POP1: variants seen among roughly 807,000 people sequenced by gnomAD.
POP1 encodes ribonucleases P/MRP protein subunit POP1.
A neutral mutation model predicts 102.2 loss-of-function variants in POP1; 75 were observed. The observed-to-expected ratio is 0.73, with a 90% CI of 0.61 to 0.89. The LOEUF (loss-of-function observed/expected upper bound fraction) is 0.89, where lower values mean the gene tolerates loss of function less well. Among genes scored for constraint, POP1 ranks in the 40% least tolerant of loss-of-function variants. The pLI is 0.00. For synonymous variants in POP1, 436 were observed against 464.1 expected (o/e 0.94, Z 0.78); for missense variants, 1,116 against 1,267.4 (o/e 0.88, Z 1.81).
chr8:98,134,399 A>C (rs1816470476), intron 6 of POP1, 73 bp from the exon 7 acceptor site: 3 of 1,450,656 alleles, frequency 2.1e-6, no homozygotes, highest in Non-Finnish European at 1.9e-6. Context: ...AGTAAATGAC[A>C]GTGTGGTTAT....
intron 1 of POP1, among the ~76,000 whole-genome samples, chr8:98,119,460 A>T (rs1009723045): frequency 6.6e-6 from 1 of 152,206 alleles, no homozygotes; most frequent in African/African-American, 2.4e-5. Flanking sequence ...AACATAACGT[A>T]TCCATTTTAT....
Position 98,156,281 on chromosome 8 carries a change from A to G in POP1, c.2289A>G (p.Ile763Met). The G allele has an allele frequency of 1.2e-6, 2 of 1,614,202 alleles. No individual in the cohort carries two copies. The highest frequency in any genetic ancestry group is 1.7e-6 in the Non-Finnish European group (2 of 1,180,046). Residue 763 changes from isoleucine (I) to methionine (M), a missense_variant, in exon 15 of 16, where the codon ATA becomes ATG. Transcript: ENST00000401707. ...HQPSDEVGTS[I>M]EHPREAEEVM... ...CATCTGATGAAGTGGGCACATCCAT[A>G]GAGCACCCCAGGGAGGCAGAGGAGG...
intron 14 of POP1, among the ~76,000 whole-genome samples, chr8:98,151,798 A>G (rs776113306): frequency 1.5e-4 from 21 of 144,644 alleles, no homozygotes; most frequent in Non-Finnish European, 2.5e-4. Flanking sequence ...GCTGGAGTAC[A>G]GTGGCGTGAT....
In POP1 at chr8:98,156,036, A is replaced by G. The variant is rs751880300; in HGVS notation, c.2058-14A>G. 21 of 1,611,998 alleles carry G rather than the reference A, an allele frequency of 1.3e-5. No homozygotes were observed. The highest frequency in any genetic ancestry group is 1.7e-5 in the Admixed American group (1 of 59,884). ...AATTGTTCAACATTGGTTCTCCTGT[A>G]TGTTTTTCTTTAGACGCCCTCCTGC... is the stretch of plus-strand genomic sequence containing the variant. On this transcript the variant is annotated splice_polypyrimidine_tract_variant and intron_variant, in intron 14 of 15. Transcript: ENST00000401707.
At chr8:98,130,332 A>G in intron 5 of POP1, 106 bp downstream of exon 5, 1 of 1,503,180 alleles carries the variant, frequency 6.7e-7, no homozygotes, top group South Asian at 1.1e-5. Context: ...GTGATTATTC[A>G]TTTTAAAAAT....
chr8:98,126,222 G>A (rs915768076), intron 2 of POP1, among the ~76,000 whole-genome samples: 11 of 152,198 alleles, frequency 7.2e-5, no homozygotes, highest in African/African-American at 2.6e-4. Flanking sequence ...TAGGATAAAA[G>A]ACTGTACACA....
intron 2 of POP1, among the ~76,000 whole-genome samples, chr8:98,124,871 A>G (rs1359516323): frequency 6.6e-6 from 1 of 152,220 alleles, no homozygotes; most frequent in Non-Finnish European, 1.5e-5. Flanking sequence ...GTTGTTCATT[A>G]GGGCAGCGGT....
Position 98,136,498 on chromosome 8 carries a change from T to TAA in POP1, c.1031_1032dup (p.Ala345LysfsTer78). On this transcript the variant is annotated frameshift_variant, in exon 8 of 16. Coordinates refer to ENST00000401707, the MANE Select transcript of POP1 (RefSeq NM_001145860.2). LOFTEE classifies it high-confidence loss of function. The stretch of plus-strand genomic sequence containing the variant: ...TATTTTTAGGATATCTTAGAGGAAA[T>TAA]AAAAGCAGCGTGCCAGTGTGTGGAA... The TAA allele has an allele frequency of 6.2e-7, 1 of 1,611,710 alleles. No individual in the cohort carries two copies. Among genetic ancestry groups the TAA allele is most frequent in the Non-Finnish European group, 8.5e-7 (1 of 1,179,326 alleles).
At chr8:98,137,459 G>C (rs1816579024) in intron 9 of POP1, among the ~76,000 whole-genome samples, 1 of 152,024 alleles carries the variant, frequency 6.6e-6, no homozygotes, top group African/African-American at 2.4e-5. Context: ...CACACCACCA[G>C]GCCCAGCTAG....
rs1809730512 is a variant in POP1, at chr8:98,158,934, G to A, written c.*663G>A. 6.6e-6 allele frequency: 1 copy of A among 152,076 alleles called. No homozygotes were observed. Among genetic ancestry groups the A allele is most frequent in the African/African-American group, 2.4e-5 (1 of 41,414 alleles). The allele number at this position is 152,076 out of a possible 1,614,324, so 9.4% of individuals were successfully genotyped here. A position where few individuals can be genotyped will look rare whatever the true frequency, so the allele number is the denominator to read the frequency against. On this transcript the variant is annotated 3_prime_UTR_variant, in exon 16 of 16. Coordinates refer to ENST00000401707, the MANE Select transcript of POP1 (RefSeq NM_001145860.2). ...TGTTGACCAACACTTGATCCTACTA[G>A]TTACTTAATTTTTTTAAGTAAAAAA...
In POP1 at chr8:98,149,021, G is replaced by T. The variant is rs1436235115; in HGVS notation, c.1902+15G>T. ...GGATTCCATTTGTAAGTTACTTTTT[G>T]ATTCTAACAGTTGCAATATTTAAAA... On this transcript the variant is annotated intron_variant, in intron 13 of 15. Coordinates refer to ENST00000401707, the MANE Select transcript of POP1 (RefSeq NM_001145860.2). 2 of 1,600,946 alleles carry T rather than the reference G, an allele frequency of 1.2e-6. No homozygotes were observed. Among genetic ancestry groups the T allele is most frequent in the East Asian group, 2.2e-5 (1 of 44,718 alleles).
rs1816254103 is a variant in POP1, at chr8:98,127,783, GCA to G, written c.310+22_310+23del. The G allele has an allele frequency of 1.9e-6, 3 of 1,612,486 alleles. No individual in the cohort carries two copies. The South Asian group carries it at 3.3e-5, about 18-fold the overall frequency. ...AACTGGTGGGTACTCATAAAGAGGT[GCA>G]GTTTGCTTGTATTTTGAACTCTCGT... On this transcript the variant is annotated intron_variant, in intron 3 of 15. Coordinates refer to ENST00000401707, the MANE Select transcript of POP1 (RefSeq NM_001145860.2).
At chr8:98,153,964 G>A (rs1278166469) in intron 14 of POP1, among the ~76,000 whole-genome samples, 1 of 152,154 alleles carries the variant, frequency 6.6e-6, no homozygotes, top group Non-Finnish European at 1.5e-5. Flanking sequence ...GATTTATTTA[G>A]CTAGGTTAGA....
chr8:98,155,905 GC>G, intron 14 of POP1, 144 bp from the exon 15 acceptor site: 1 of 830,242 alleles, frequency 1.2e-6, no homozygotes, highest in Non-Finnish European at 1.9e-6. Context: ...TTCTTGGAAA[GC>G]TTTTGTGTGT....
intron 1 of POP1, among the ~76,000 whole-genome samples, chr8:98,119,534 C>G (rs1024184900): frequency 5.3e-5 from 8 of 152,178 alleles, no homozygotes; most frequent in African/African-American, 1.7e-4. Context: ...TAAAGTTTGA[C>G]AAAACTGACT....
chr8:98,121,928 G>A (rs1335326355), intron 1 of POP1, among the ~76,000 whole-genome samples: 1 of 151,918 alleles, frequency 6.6e-6, no homozygotes, highest in East Asian at 1.9e-4. Flanking sequence ...CTCATGATCC[G>A]CCCGCCTCAG....
intron 15 of POP1, 85 bp downstream of exon 15, chr8:98,156,497 T>C: frequency 2.6e-6 from 4 of 1,541,428 alleles, no homozygotes; most frequent in Non-Finnish European, 3.5e-6. Flanking sequence ...TATCACTGTT[T>C]GTTTATGCAA....
intron 14 of POP1, among the ~76,000 whole-genome samples, chr8:98,150,945 CGT>C: frequency 6.6e-6 from 1 of 152,216 alleles, no homozygotes; most frequent in Middle Eastern, 3.4e-3. Context: ...ACTACCAACC[CGT>C]GTCTCCCTCC....
chr8:98,149,384 C>T (rs62522198), intron 13 of POP1, among the ~76,000 whole-genome samples: 19,288 of 151,964 alleles, frequency 0.13, 1,327 homozygotes, highest in Middle Eastern at 0.26. Context: ...TTAACTATAA[C>T]CATATACTCC....
Sources: allele counts gnomAD v4.1 joint callset (sites outside exome capture counted in the v4.1 genomes callset), GRCh38; gene constraint gnomAD v4.1.1; transcripts MANE v1.5; gene names NCBI Gene and HGNC (gene_info 2026-07-23, HGNC 2026-07-21).